Variants in KLF8 observed in about 807,000 individuals in gnomAD.
KLF8 encodes the protein Krueppel-like factor 8.
In KLF8, 10 loss-of-function variants were observed where a neutral mutation model predicts 18.2. That is an observed-to-expected ratio of 0.55 (90% CI 0.34 to 0.93). The LOEUF is 0.93. Among genes scored for constraint, KLF8 ranks in the 40% least tolerant of loss-of-function variants. The pLI is 0.02. For synonymous variants in KLF8, 109 were observed against 97.3 expected (o/e 1.12, Z -0.71); for missense variants, 264 against 277.9 (o/e 0.95, Z 0.36).
the KLF8 span, among the ~76,000 whole-genome samples, chrX:56,059,317 A>G: frequency 8.9e-5 from 10 of 111,804 alleles, no homozygotes; most frequent in African/African-American, 3.2e-4. Context: ...GTTCACTCTG[A>G]TGATAGTTTC....
At chrX:55,999,470 A>G in the KLF8 span, among the ~76,000 whole-genome samples, 2 of 108,351 alleles carry the variant, frequency 1.8e-5, no homozygotes, top group African/African-American at 6.7e-5. Flanking sequence ...ATCTATGACC[A>G]TGGATTGTAT....
intron 5 of KLF8, among the ~76,000 whole-genome samples, chrX:56,279,669 G>A (rs762610845): frequency 9.0e-6 from 1 of 111,605 alleles, no homozygotes; most frequent in Non-Finnish European, 1.9e-5. Context: ...GGCAAAAAAT[G>A]ATGACAGCTC....
At chrX:56,155,376 G>A in the KLF8 span, among the ~76,000 whole-genome samples, 2 of 111,030 alleles carry the variant, frequency 1.8e-5, no homozygotes, top group Admixed American at 9.6e-5. Flanking sequence ...AACATCACAT[G>A]TTCTCTCTCA....
the KLF8 span, among the ~76,000 whole-genome samples, chrX:56,043,173 A>G: frequency 9.0e-6 from 1 of 110,706 alleles, no homozygotes; most frequent in East Asian, 2.8e-4. Context: ...TAGGGTTTCC[A>G]CTGTGAGGTT....
chrX:55,981,082 A>ATGTGTGCCTATAATCCAAGCGTGTGC, the KLF8 span, among the ~76,000 whole-genome samples: 1 of 111,873 alleles, frequency 8.9e-6, no homozygotes, highest in South Asian at 3.8e-4. Flanking sequence ...AATCCAAGCT[A>ATGTGTGCCTATAATCCAAGCGTGTGC]CTTCAGAGGC....
chrX:56,265,259 C>T lies in KLF8; in HGVS notation c.161C>T (p.Ala54Val). The change falls in exon 3 of 6, where the codon GCC (alanine) becomes GTC (valine). Residue 54 changes from alanine to valine, a missense_variant. Ala to Val is a moderately conservative substitution (Grantham distance 64). This residue lies in a region of KLF8 where 221 missense variants were observed against 193.6 expected (regional missense o/e 1.14). Coordinates refer to ENST00000468660, the MANE Select transcript of KLF8 (RefSeq NM_007250.5). ...ATGACTTCTCCAACACTCCTGGATGCCAACCCCATGGAGAACCCAGCACTG... is the reference window on the plus strand; with the variant it reads ...ATGACTTCTCCAACACTCCTGGATGTCAACCCCATGGAGAACCCAGCACTG... ...SNMTSPTLLD[A>V]NPMENPALFN... 8.3e-7 allele frequency: 1 copy of T among 1,208,455 alleles called. No individual in the cohort carries two copies.
chrX:56,239,042 C>T (rs1477975922), intron 1 of KLF8, among the ~76,000 whole-genome samples: 1 of 112,147 alleles, frequency 8.9e-6, no homozygotes, highest in Non-Finnish European at 1.9e-5. Flanking sequence ...AAGCCCACCT[C>T]AAAGCAAACC....
the KLF8 span, among the ~76,000 whole-genome samples, chrX:56,086,626 ATTC>A: frequency 9.0e-6 from 1 of 111,049 alleles, no homozygotes; most frequent in African/African-American, 3.3e-5. Flanking sequence ...CTTTATTCAT[ATTC>A]TTCTTATAGT....
chrX:56,211,382 G>T, the KLF8 span, among the ~76,000 whole-genome samples: 202 of 112,583 alleles, frequency 1.8e-3, 3 homozygotes, highest in East Asian at 0.052. Context: ...CAAACATACA[G>T]AGTCTCTCTG....
the KLF8 span, among the ~76,000 whole-genome samples, chrX:56,078,940 G>A: frequency 9.9e-5 from 11 of 111,206 alleles, no homozygotes; most frequent in Admixed American, 2.9e-4. Context: ...AGAGGTGTTT[G>A]TAGTATTCTC....
chrX:56,216,675 C>T, the KLF8 span, among the ~76,000 whole-genome samples: 1 of 110,522 alleles, frequency 9.0e-6, no homozygotes, highest in East Asian at 2.8e-4. Flanking sequence ...CACATCAAGC[C>T]AACAAAACTC....
the KLF8 span, among the ~76,000 whole-genome samples, chrX:56,221,582 TG>T: frequency 9.0e-6 from 1 of 111,265 alleles, no homozygotes; most frequent in Non-Finnish European, 1.9e-5. Context: ...TTCTTCCTTC[TG>T]GTGGGTTCAC....
the KLF8 span, among the ~76,000 whole-genome samples, chrX:55,919,352 C>T: frequency 8.9e-6 from 1 of 111,752 alleles, no homozygotes; most frequent in East Asian, 2.8e-4. Context: ...AGGAACACAC[C>T]AGGAAAGCCA....
chrX:56,289,647 C>T lies in KLF8; in HGVS notation c.*5153C>T, dbSNP rs1393086405. The stretch of plus-strand genomic sequence containing the variant: ...CCTGTTAGTTACATGAAGCCTCCCA[C>T]ACTAATACTGAGAAACCTGGCTCTC... On this transcript the variant is annotated 3_prime_UTR_variant, in exon 6 of 6. Transcript: ENST00000468660. 9.0e-6 allele frequency among the ~76,000 whole-genome samples: 1 copy of T among 111,619 alleles called. No homozygotes were observed. Among genetic ancestry groups the T allele is most frequent in the Non-Finnish European group, 1.9e-5 (1 of 53,158 alleles).
At chrX:56,065,570 G>A in the KLF8 span, among the ~76,000 whole-genome samples, 3 of 110,170 alleles carry the variant, frequency 2.7e-5, no homozygotes, top group African/African-American at 9.9e-5. Flanking sequence ...TGGATCTGTT[G>A]CTGGAAAGTT....
At chrX:56,225,266 C>A in the KLF8 span, among the ~76,000 whole-genome samples, 1 of 111,252 alleles carries the variant, frequency 9.0e-6, no homozygotes, top group Non-Finnish European at 1.9e-5. Flanking sequence ...TTGTTTCCAT[C>A]TCTGGCTTTC....
At chrX:56,165,667 C>G in the KLF8 span, among the ~76,000 whole-genome samples, 1 of 111,218 alleles carries the variant, frequency 9.0e-6, no homozygotes, top group Non-Finnish European at 1.9e-5. Context: ...GAGTTCAAGA[C>G]TAGCCTGGAC....
chrX:56,003,526 GA>G, the KLF8 span, among the ~76,000 whole-genome samples: 11 of 110,544 alleles, frequency 1.0e-4, no homozygotes, highest in Non-Finnish European at 1.9e-4. Context: ...CAGTGGGATT[GA>G]AAAAAAAGAG....
the KLF8 span, among the ~76,000 whole-genome samples, chrX:55,974,010 A>G: frequency 8.9e-6 from 1 of 112,098 alleles, no homozygotes; most frequent in Non-Finnish European, 1.9e-5. Flanking sequence ...GGCATAAAAT[A>G]CAAAACAATG....
Sources: gnomAD v4.1 joint callset for allele counts (sites outside exome capture counted in the v4.1 genomes callset) on GRCh38, gnomAD v4.1.1 for gene constraint, gnomAD v4.1.1 regional missense constraint, MANE v1.5 for transcripts, NCBI Gene and HGNC (gene_info 2026-07-23, HGNC 2026-07-21) for gene names.